The following CNTN5 variants were observed in gnomAD, a reference collection of about 807,000 sequenced individuals.
CNTN5 encodes contactin 5.
CNTN5 carries 77 observed loss-of-function variants against 129.1 expected under a neutral mutation model. The ratio of observed to expected loss-of-function variants is 0.60; its 90% CI spans 0.50 to 0.72. The LOEUF is 0.72. Among genes scored for constraint, CNTN5 ranks in the 30% least tolerant of loss-of-function variants. The pLI is 0.00. For synonymous variants in CNTN5, 509 were observed against 465.6 expected (o/e 1.09, Z -1.20); for missense variants, 1,478 against 1,328.8 (o/e 1.11, Z -1.75).
At chr11:100,330,199 G>GCAATAGAAT (rs1370300525) in intron 21 of CNTN5, among the ~76,000 whole-genome samples, 3 of 152,122 alleles carry the variant, frequency 2.0e-5, no homozygotes, top group African/African-American at 7.2e-5. Context: ...GAAAATCTCA[G>GCAATAGAAT]CAATAGAATC....
chr11:100,256,653 A>G (rs1950076357), intron 17 of CNTN5, among the ~76,000 whole-genome samples: 1 of 152,060 alleles, frequency 6.6e-6, no homozygotes, highest in African/African-American at 2.4e-5. Context: ...ATGGAGGGCA[A>G]GCTGAAGCAG....
intron 2 of CNTN5, among the ~76,000 whole-genome samples, chr11:99,524,984 T>A (rs1399064424): frequency 3.3e-5 from 5 of 152,244 alleles, no homozygotes; most frequent in African/African-American, 1.2e-4. Context: ...AATTTCCAAA[T>A]AAATGATCTT....
At chr11:99,201,375 C>CTTCCTTCCTTCCTTCT (rs1565398779) in intron 1 of CNTN5, among the ~76,000 whole-genome samples, 1 of 148,606 alleles carries the variant, frequency 6.7e-6, no homozygotes, top group Non-Finnish European at 1.5e-5. Context: ...TCCTTCCTTC[C>CTTCCTTCCTTCCTTCT]TTCCTTCTTT....
chr11:99,849,238 G>A (rs1297901677), intron 6 of CNTN5, among the ~76,000 whole-genome samples: 1 of 151,326 alleles, frequency 6.6e-6, no homozygotes, highest in East Asian at 1.9e-4. Context: ...AAAATGTAAA[G>A]ATATATCATC....
rs117491100 is a variant in CNTN5 at position 100,090,063 on chromosome 11, A to C, written c.1580+15769A>C. Among the ~76,000 whole-genome samples, 186 of 152,298 alleles carry C rather than the reference A, an allele frequency of 1.2e-3. 2 individuals are homozygous for C. Among genetic ancestry groups the C allele is most frequent in the South Asian group, 0.01 (50 of 4,822 alleles). On this transcript the variant is annotated intron_variant, in intron 13 of 24. Transcript: ENST00000524871. ...CAGAACTTTAAATTACACTTTTAAA[A>C]TATGTGATTCACCACAAAAACAGAA...
At chr11:100,247,187 G>C (rs1949858254) in intron 16 of CNTN5, among the ~76,000 whole-genome samples, 1 of 152,158 alleles carries the variant, frequency 6.6e-6, no homozygotes, top group African/African-American at 2.4e-5. Flanking sequence ...AATAGGCAAA[G>C]TAAGGAGGGA....
chr11:99,207,549 C>A (rs1329275460), intron 1 of CNTN5, among the ~76,000 whole-genome samples: 1 of 152,144 alleles, frequency 6.6e-6, no homozygotes. Flanking sequence ...ATCACTATAA[C>A]AAGGTTTTTC....
In CNTN5 at chr11:99,116,081, A is replaced by G. The variant is rs564271644; in HGVS notation, c.-210+94811A>G. ...ACTTTCCCTCCAGCAGCATTTGATA[A>G]TTTTTACCCTAGAATGAGGTTGCAT... On this transcript the variant is annotated intron_variant, in intron 1 of 24. Coordinates refer to ENST00000524871, the MANE Select transcript of CNTN5 (RefSeq NM_014361.4). 3.9e-5 allele frequency among the ~76,000 whole-genome samples: 6 copies of G among 152,282 alleles called. No homozygotes were observed. In the South Asian group the frequency reaches 1.2e-3, roughly 32 times the overall value.
chr11:99,250,445 A>G (rs1862039236), intron 1 of CNTN5, among the ~76,000 whole-genome samples: 1 of 152,000 alleles, frequency 6.6e-6, no homozygotes. Context: ...ATTCACTGAT[A>G]AATTTAAAAT....
At chr11:100,266,052 T>C (rs1264711541) in intron 17 of CNTN5, among the ~76,000 whole-genome samples, 3 of 152,158 alleles carry the variant, frequency 2.0e-5, no homozygotes, top group Non-Finnish European at 2.9e-5. Context: ...TTTGCACAGA[T>C]TGGTTACATT....
At chr11:99,956,227 C>T (rs923736401) in intron 7 of CNTN5, among the ~76,000 whole-genome samples, 3 of 152,054 alleles carry the variant, frequency 2.0e-5, no homozygotes, top group Non-Finnish European at 4.4e-5. Context: ...TAGTTAAATA[C>T]TGGCTCAGTT....
rs190153583 is a variant in CNTN5 at position 100,074,433 on chromosome 11, T to C, written c.1580+139T>C. ...ACTGATTGAAACATGGTTTTGCCTA[T>C]ATAGTGATTTTAAAAGAACCCAAAG... On this transcript the variant is annotated intron_variant, in intron 13 of 24. Transcript: ENST00000524871. 1.3e-5 allele frequency: 10 copies of C among 741,174 alleles called. No homozygotes were observed. In the Admixed American group the frequency reaches 1.4e-4, roughly 11 times the overall value. The allele number at this position is 741,174 out of a possible 1,614,324, so 45.9% of individuals were successfully genotyped here.
intron 1 of CNTN5, among the ~76,000 whole-genome samples, chr11:99,226,661 T>C (rs1363137294): frequency 6.6e-6 from 1 of 151,954 alleles, no homozygotes; most frequent in South Asian, 2.1e-4. Context: ...AAATCTACCT[T>C]GTGACTGGTA....
chr11:99,893,580 G>T (rs936894740), intron 6 of CNTN5, among the ~76,000 whole-genome samples: 3 of 152,138 alleles, frequency 2.0e-5, no homozygotes, highest in Non-Finnish European at 2.9e-5. Context: ...ACAAGCTGAT[G>T]CCTCTGTGTT....
intron 15 of CNTN5, among the ~76,000 whole-genome samples, chr11:100,210,331 C>T (rs1223276152): frequency 1.6e-5 from 2 of 127,234 alleles, no homozygotes; most frequent in Admixed American, 1.9e-4. Flanking sequence ...ACCTGGGTGA[C>T]AGGGCGAGAC....
At chr11:99,859,603 T>C (rs1440194699) in intron 6 of CNTN5, among the ~76,000 whole-genome samples, 1 of 152,220 alleles carries the variant, frequency 6.6e-6, no homozygotes, top group African/African-American at 2.4e-5. Flanking sequence ...ACGTGTGGTA[T>C]TTGATTTTCT....
chr11:99,904,293 CTCCCCAAGCCCGGACAGG>C (rs1195514382), intron 6 of CNTN5, among the ~76,000 whole-genome samples: 1 of 152,042 alleles, frequency 6.6e-6, no homozygotes, highest in Admixed American at 6.6e-5. Flanking sequence ...CCCAACCCCC[CTCCCCAAGCCCGGACAGG>C]TCCCAGTGTG....
chr11:99,627,827 A>C (rs1951185962), intron 3 of CNTN5, among the ~76,000 whole-genome samples: 1 of 151,456 alleles, frequency 6.6e-6, no homozygotes, highest in South Asian at 2.1e-4. Context: ...GACAGGTTAA[A>C]TGTTTTATTT....
At chr11:100,095,253 T>A (rs1944964852) in intron 13 of CNTN5, among the ~76,000 whole-genome samples, 1 of 152,132 alleles carries the variant, frequency 6.6e-6, no homozygotes, top group South Asian at 2.1e-4. Context: ...GACTATGTTT[T>A]TATGTGGAAG....
Sources: allele counts gnomAD v4.1 joint callset (sites outside exome capture counted in the v4.1 genomes callset), GRCh38; gene constraint gnomAD v4.1.1; transcripts MANE v1.5; gene names NCBI Gene and HGNC (gene_info 2026-07-23, HGNC 2026-07-21).